ARHGEF9: variants seen among roughly 807,000 people sequenced by gnomAD.
ARHGEF9 encodes Cdc42 guanine nucleotide exchange factor 9, also known as rho guanine nucleotide exchange factor 9.
A neutral mutation model predicts 41.3 loss-of-function variants in ARHGEF9; 2 were observed. The ratio of observed to expected loss-of-function variants is 0.05; its 90% CI spans 0.02 to 0.15. The LOEUF is 0.15. ARHGEF9 is among the 10% of genes least tolerant of loss of function. The probability of loss-of-function intolerance (pLI) is 1.00; values close to 1 mark genes in which losing one functional copy is unlikely to be tolerated. For missense variants in ARHGEF9, 225 were observed against 424.7 expected, an observed-to-expected ratio of 0.53 and a Z score of 4.13; for synonymous variants, 160 against 154.4, an observed-to-expected ratio of 1.04 and a Z score of -0.27.
chrX:63,699,533 G>C (rs1205867876), intron 3 of ARHGEF9, among the ~76,000 whole-genome samples: 3 of 111,545 alleles, frequency 2.7e-5, no homozygotes, highest in African/African-American at 9.8e-5. Flanking sequence ...CTTAGGAAAA[G>C]ACAATGAATA....
chrX:63,661,638 T>C (rs1423296508), intron 7 of ARHGEF9, among the ~76,000 whole-genome samples: 3 of 111,790 alleles, frequency 2.7e-5, no homozygotes, highest in Non-Finnish European at 5.6e-5. Context: ...AAAAGAGTGG[T>C]GACAGCAAAA....
Position 63,636,984 on chromosome X carries a change from T to C in ARHGEF9, c.*1044A>G, listed in dbSNP as rs1437576992. 3.4e-6 allele frequency: 1 copy of C among 297,255 alleles called. No individual in the cohort carries two copies. The highest frequency in any genetic ancestry group is 4.8e-5 in the East Asian group (1 of 21,037). The allele number at this position is 297,255 out of a possible 1,213,427, so 24.5% of individuals were successfully genotyped here. ...GCTGTAGAGATCACTGCCCTAAACCTATCTGGTACTAGGGGGCAGGTAAAT... is the reference window on the plus strand; with the variant it reads ...GCTGTAGAGATCACTGCCCTAAACCCATCTGGTACTAGGGGGCAGGTAAAT... On this transcript the variant is annotated 3_prime_UTR_variant, in exon 10 of 10. Transcript: ENST00000671741.
rs1167406039 is a variant in ARHGEF9, at chrX:63,635,079, C to G, written c.*2949G>C. 1 of 307,706 alleles carries G rather than the reference C, an allele frequency of 3.2e-6. No homozygotes were observed. Among genetic ancestry groups the G allele is most frequent in the Admixed American group, 6.3e-5 (1 of 15,866 alleles). The allele number at this position is 307,706 out of a possible 1,213,427, so 25.4% of individuals were successfully genotyped here. A position where few individuals can be genotyped will look rare whatever the true frequency, so the allele number is the denominator to read the frequency against. On this transcript the variant is annotated 3_prime_UTR_variant, in exon 10 of 10. Coordinates refer to ENST00000671741, the MANE Select transcript of ARHGEF9 (RefSeq NM_001353921.2). ...ACACACAACTTTGACACTTGTTTGA[C>G]AGAGTCAGTCAGATAAAAGAAACAA...
chrX:63,644,140 C>A, intron 8 of ARHGEF9, 92 bp from the exon 9 acceptor site: 4 of 559,428 alleles, frequency 7.2e-6, no homozygotes, highest in Non-Finnish European at 1.1e-5. Flanking sequence ...GAAAGATTTG[C>A]TAAGACATAT....
At chrX:63,755,396 AG>A (rs1252583349) in intron 1 of ARHGEF9, 7 of 329,011 alleles carry the variant, frequency 2.1e-5, no homozygotes, top group African/African-American at 1.1e-4. Context: ...GGGCGGATAG[AG>A]GGGGTATATA....
chrX:63,756,503 G>A (rs1239413186), intron 1 of ARHGEF9, among the ~76,000 whole-genome samples: 2 of 112,397 alleles, frequency 1.8e-5, no homozygotes, highest in Non-Finnish European at 3.8e-5. Flanking sequence ...AAAAAGGAAT[G>A]AACTACTGAT....
chrX:63,651,089 G>A (rs1556328348), intron 8 of ARHGEF9, among the ~76,000 whole-genome samples: 1 of 110,862 alleles, frequency 9.0e-6, no homozygotes, highest in Admixed American at 9.7e-5. Context: ...TGAAAGGAGA[G>A]CAGAGCCTTG....
Position 63,785,180 on chromosome X carries a change from T to G in ARHGEF9, c.-35A>C. 8.6e-7 allele frequency: 1 copy of G among 1,160,777 alleles called. No homozygotes were observed. Among genetic ancestry groups the G allele is most frequent in the Non-Finnish European group, 1.2e-6 (1 of 868,896 alleles). ...GAAGTCCGGCTTCTCTGAGGCCCCG[T>G]AGCTGGCGCGAGTTGTCGCGGGCTG... On this transcript the variant is annotated 5_prime_UTR_variant, in exon 1 of 10. Transcript: ENST00000671741.
intron 4 of ARHGEF9, among the ~76,000 whole-genome samples, chrX:63,696,045 C>T (rs1394804394): frequency 2.7e-5 from 3 of 111,264 alleles, no homozygotes; most frequent in South Asian, 3.9e-4. Context: ...GATTTTACTT[C>T]GAATCATTTT....
intron 1 of ARHGEF9, among the ~76,000 whole-genome samples, chrX:63,764,332 A>G (rs1227829310): frequency 8.0e-5 from 9 of 112,733 alleles, no homozygotes; most frequent in African/African-American, 2.9e-4. Context: ...GATGCTAGCA[A>G]GGATGTGGAG....
chrX:63,638,663 CT>C (rs1363227810), intron 9 of ARHGEF9: 2 of 303,516 alleles, frequency 6.6e-6, no homozygotes, highest in East Asian at 4.6e-5. Flanking sequence ...CCAGTCCCCC[CT>C]GGAAGTTTTA....
intron 6 of ARHGEF9, among the ~76,000 whole-genome samples, chrX:63,668,076 G>C (rs1331806509): frequency 9.0e-6 from 1 of 111,573 alleles, no homozygotes; most frequent in African/African-American, 3.3e-5. Flanking sequence ...GACCAGGAGG[G>C]CTACCCAGTA....
At chrX:63,772,140 C>T (rs1374123912) in intron 1 of ARHGEF9, among the ~76,000 whole-genome samples, 1 of 112,433 alleles carries the variant, frequency 8.9e-6, no homozygotes, top group Non-Finnish European at 1.9e-5. Context: ...GGTGAAGTCA[C>T]TTACTCAAAA....
At chrX:63,697,068 C>A in intron 4 of ARHGEF9, 57 bp downstream of exon 4, 2 of 1,153,905 alleles carry the variant, frequency 1.7e-6, no homozygotes, top group South Asian at 1.9e-5. Flanking sequence ...CTCAAACGCT[C>A]CTTCCATTGT....
At chrX:63,748,173 T>C (rs1456897852) in intron 1 of ARHGEF9, among the ~76,000 whole-genome samples, 2 of 112,108 alleles carry the variant, frequency 1.8e-5, no homozygotes, top group Admixed American at 9.4e-5. Context: ...GTTGACCAGA[T>C]ACATACAAAA....
intron 7 of ARHGEF9, among the ~76,000 whole-genome samples, chrX:63,664,807 A>G (rs1556345897): frequency 8.9e-6 from 1 of 111,824 alleles, no homozygotes; most frequent in Non-Finnish European, 1.9e-5. Flanking sequence ...TTTCCCCTCA[A>G]TCCACTGTCA....
chrX:63,779,281 T>C (rs1229747569), intron 1 of ARHGEF9, among the ~76,000 whole-genome samples: 2 of 112,260 alleles, frequency 1.8e-5, no homozygotes, highest in Non-Finnish European at 3.8e-5. Flanking sequence ...TATGAAGAAA[T>C]ACCGGATACT....
intron 7 of ARHGEF9, among the ~76,000 whole-genome samples, chrX:63,661,531 TAAA>T (rs1257899711): frequency 9.0e-6 from 1 of 111,345 alleles, no homozygotes; most frequent in Admixed American, 9.6e-5. Context: ...AAAACTAAAA[TAAA>T]AATTCAATGA....
chrX:63,700,198 A>G (rs2052056562), intron 3 of ARHGEF9, among the ~76,000 whole-genome samples: 1 of 112,240 alleles, frequency 8.9e-6, no homozygotes, highest in Non-Finnish European at 1.9e-5. Flanking sequence ...TAATAGATGT[A>G]AACTGCCCTT....
Sources: gnomAD v4.1 joint callset for allele counts (sites outside exome capture counted in the v4.1 genomes callset) on GRCh38, gnomAD v4.1.1 for gene constraint, MANE v1.5 for transcripts, NCBI Gene and HGNC (gene_info 2026-07-23, HGNC 2026-07-21) for gene names.